The following SYT9 variants were observed in gnomAD, a reference collection of about 807,000 sequenced individuals.
The protein encoded by SYT9 is synaptotagmin-9.
In SYT9, 22 loss-of-function variants were observed where a neutral mutation model predicts 48.4. The observed-to-expected ratio is 0.45, with a 90% CI of 0.32 to 0.65. SYT9 has a LOEUF of 0.65. Among genes scored for constraint, SYT9 ranks in the 30% least tolerant of loss-of-function variants. The pLI is 0.03. For missense variants in SYT9, 577 were observed against 622.0 expected, an observed-to-expected ratio of 0.93 and a Z score of 0.77; for synonymous variants, 265 against 245.0, an observed-to-expected ratio of 1.08 and a Z score of -0.76.
intron 6 of SYT9, among the ~76,000 whole-genome samples, chr11:7,450,004 C>T (rs1330764737): frequency 6.6e-6 from 1 of 152,160 alleles, no homozygotes; most frequent in African/African-American, 2.4e-5. Flanking sequence ...CCCAAGCAGG[C>T]ATGCTTTGCC....
intron 3 of SYT9, among the ~76,000 whole-genome samples, chr11:7,332,574 G>A (rs1424373578): frequency 6.6e-6 from 1 of 151,990 alleles, no homozygotes; most frequent in East Asian, 1.9e-4. Flanking sequence ...AAGAGAAGAG[G>A]GATCCTCTTC....
chr11:7,239,008 A>G, intron 1 of SYT9: 1 of 450,678 alleles, frequency 2.2e-6, no homozygotes, highest in Non-Finnish European at 4.5e-6. Context: ...TAGAGTCAGC[A>G]TTGGAGCTGT....
At chr11:7,405,505 C>A (rs1017901224) in intron 3 of SYT9, among the ~76,000 whole-genome samples, 9 of 152,208 alleles carry the variant, frequency 5.9e-5, no homozygotes, top group Admixed American at 4.6e-4. Context: ...CCAATGAACT[C>A]TTGTTCCATA....
chr11:7,405,319 C>T (rs936480357), intron 3 of SYT9, among the ~76,000 whole-genome samples: 3 of 152,128 alleles, frequency 2.0e-5, no homozygotes, highest in African/African-American at 7.2e-5. Context: ...CCCTCCTCCA[C>T]AGTTGTGACG....
At chr11:7,331,690 G>A (rs186883182) in intron 3 of SYT9, among the ~76,000 whole-genome samples, 3 of 152,132 alleles carry the variant, frequency 2.0e-5, no homozygotes, top group African/African-American at 4.8e-5. Context: ...GTGCCACTGC[G>A]CTCCAGCCTG....
intron 1 of SYT9, among the ~76,000 whole-genome samples, chr11:7,267,183 A>G (rs1034301135): frequency 4.6e-5 from 7 of 152,038 alleles, no homozygotes; most frequent in South Asian, 2.1e-4. Flanking sequence ...CAAGTTTGTT[A>G]TAACTTTATA....
intron 6 of SYT9, among the ~76,000 whole-genome samples, chr11:7,429,914 G>A (rs1329932809): frequency 6.6e-6 from 1 of 152,150 alleles, no homozygotes; most frequent in Non-Finnish European, 1.5e-5. Context: ...GCATTTATAT[G>A]TTATTCAAAT....
chr11:7,241,042 G>A (rs1038826373), intron 1 of SYT9, among the ~76,000 whole-genome samples: 1 of 151,966 alleles, frequency 6.6e-6, no homozygotes, highest in Non-Finnish European at 1.5e-5. Context: ...CTTCTATGGG[G>A]AATAAAACAT....
chr11:7,310,320 G>A (rs1489280985), intron 2 of SYT9, among the ~76,000 whole-genome samples: 1 of 150,872 alleles, frequency 6.6e-6, no homozygotes, highest in African/African-American at 2.4e-5. Context: ...CTCTAGTAGA[G>A]ACAGGGTTTT....
chr11:7,425,424 A>C lies in SYT9; in HGVS notation c.1467+4789A>C, dbSNP rs1289991498. The stretch of plus-strand genomic sequence containing the variant: ...TTCACCAGGAAAGATGGGAGTGGGG[A>C]GAGCATGGGGTGACTGGGAAAAGCC... On this transcript the variant is annotated intron_variant, in intron 6 of 6. Coordinates refer to ENST00000318881, the MANE Select transcript of SYT9 (RefSeq NM_175733.4). Among the ~76,000 whole-genome samples the C allele has an allele frequency of 2.0e-5, 3 of 152,172 alleles. No homozygotes were observed. The East Asian group carries it at 5.8e-4, about 29-fold the overall frequency.
At chr11:7,434,508 G>A (rs1847666278) in intron 6 of SYT9, among the ~76,000 whole-genome samples, 1 of 152,166 alleles carries the variant, frequency 6.6e-6, no homozygotes, top group Non-Finnish European at 1.5e-5. Context: ...TGGCAGTCTG[G>A]ATCAGCCTGG....
chr11:7,372,204 G>A (rs72856442), intron 3 of SYT9, among the ~76,000 whole-genome samples: 13,975 of 152,134 alleles, frequency 0.092, 739 homozygotes, highest in African/African-American at 0.14. Context: ...TTCTGATGAT[G>A]GCATTTCGTT....
chr11:7,284,187 T>C (rs1313923950), intron 1 of SYT9, among the ~76,000 whole-genome samples: 2 of 152,174 alleles, frequency 1.3e-5, no homozygotes, highest in Non-Finnish European at 1.5e-5. Context: ...TATTGTTAAG[T>C]ATATCCAGCC....
intron 6 of SYT9, among the ~76,000 whole-genome samples, chr11:7,461,860 A>G (rs1848242650): frequency 6.6e-6 from 1 of 152,226 alleles, no homozygotes; most frequent in Non-Finnish European, 1.5e-5. Flanking sequence ...GAAAAATATG[A>G]CAGTCCTTGT....
At chr11:7,399,964 G>T (rs981811785) in intron 3 of SYT9, among the ~76,000 whole-genome samples, 1 of 152,178 alleles carries the variant, frequency 6.6e-6, no homozygotes, top group Admixed American at 6.5e-5. Flanking sequence ...ATGACTGCAA[G>T]ATTTTGTTAT....
chr11:7,252,240 G>C lies in SYT9; in HGVS notation c.54G>C (p.Glu18Asp). Residue 18 changes from glutamate to aspartate, a missense_variant, in exon 1 of 7, where the codon GAG becomes GAC. Coordinates refer to ENST00000318881, the MANE Select transcript of SYT9 (RefSeq NM_175733.4). This position sits in a 1 kb window ranked among gnomAD's most constrained non-coding sequence, Gnocchi z 6.3. ...ACCAGGCGCTGCAGCTGCTGGCCGA[G>C]CTCTGTGCCCGTGGGGCCCTGGAGC... is the stretch of plus-strand genomic sequence containing the variant. The part of the protein sequence containing the change: ...LCHQALQLLA[E>D]LCARGALEHD... 1 of 1,504,050 alleles carries C rather than the reference G, an allele frequency of 6.6e-7. No homozygotes were observed. The highest frequency in any genetic ancestry group is 2.9e-5 in the East Asian group (1 of 34,906). The allele number at this position is 1,504,050 out of a possible 1,614,324, so 93.2% of individuals were successfully genotyped here.
intron 3 of SYT9, among the ~76,000 whole-genome samples, chr11:7,377,142 A>T (rs1252889206): frequency 6.6e-6 from 1 of 150,798 alleles, no homozygotes; most frequent in Non-Finnish European, 1.5e-5. Flanking sequence ...TCCTGTAGAG[A>T]CTACTGCTAT....
At chr11:7,394,030 A>G (rs535855081) in intron 3 of SYT9, among the ~76,000 whole-genome samples, 3 of 151,088 alleles carry the variant, frequency 2.0e-5, no homozygotes, top group South Asian at 2.1e-4. Context: ...TTACATATGT[A>G]TAGATGTGCC....
chr11:7,393,907 T>C (rs1437395893), intron 3 of SYT9, among the ~76,000 whole-genome samples: 1 of 152,154 alleles, frequency 6.6e-6, no homozygotes, highest in East Asian at 1.9e-4. Flanking sequence ...TCTCTGATGA[T>C]CTTTTGTATT....
Sources: allele counts gnomAD v4.1 joint callset (sites outside exome capture counted in the v4.1 genomes callset), GRCh38; gene constraint gnomAD v4.1.1; non-coding constraint Gnocchi (gnomAD v3.1); transcripts MANE v1.5; gene names NCBI Gene and HGNC (gene_info 2026-07-23, HGNC 2026-07-21).